The following ECH1 variants were observed in gnomAD, a reference collection of about 807,000 sequenced individuals.
ECH1 encodes the protein enoyl-CoA hydratase 1, also known as delta(3,5)-Delta(2,4)-dienoyl-CoA isomerase, mitochondrial.
A neutral mutation model predicts 37.0 loss-of-function variants in ECH1; 30 were observed. That is an observed-to-expected ratio of 0.81 (90% CI 0.61 to 1.10). The LOEUF is 1.10. Ranked by LOEUF, ECH1 falls within the 50% of genes least tolerant of loss-of-function variation. The pLI is 0.00. For missense variants in ECH1, 456 were observed against 441.6 expected (o/e 1.03, Z -0.29); for synonymous variants, 178 against 176.0 (o/e 1.01, Z -0.09).
chr19:38,830,982 C>G, intron 3 of ECH1, 96 bp downstream of exon 3: 1 of 1,105,454 alleles, frequency 9.0e-7, no homozygotes, highest in Non-Finnish European at 1.3e-6. Flanking sequence ...GTGTGTAAGT[C>G]AGAAGCTGCT....
In ECH1 at chr19:38,816,494, T is replaced by C; in HGVS notation, c.618A>G (p.Val206=). ...CCTTGGGCAGGCGCTGCAGTGTTCC[T>C]ACATCGGCAGCCAAACCCACGTCCA... The part of the protein sequence containing the change: ...KEVDVGLAAD[V]GTLQRLPKVI... Residue 206 remains valine (V), a synonymous_variant, in exon 7 of 10, where the codon GTA becomes GTG. Transcript: ENST00000221418. The C allele has an allele frequency of 1.9e-6, 3 of 1,614,160 alleles. No individual in the cohort carries two copies. The highest frequency in any genetic ancestry group is 1.7e-6 in the Non-Finnish European group (2 of 1,180,006).
At chr19:38,815,817 G>A (rs779650677) in intron 9 of ECH1, 40 bp downstream of exon 9, 4 of 1,613,650 alleles carry the variant, frequency 2.5e-6, no homozygotes, top group Non-Finnish European at 2.5e-6. Context: ...GTCGCCTGGG[G>A]TTAGAGGAGG....
chr19:38,822,692 T>C (rs369557493), intron 3 of ECH1, among the ~76,000 whole-genome samples: 1 of 152,146 alleles, frequency 6.6e-6, no homozygotes, highest in Non-Finnish European at 1.5e-5. Context: ...AGCTCAGGGA[T>C]TGTAAACGCA....
intron 3 of ECH1, among the ~76,000 whole-genome samples, chr19:38,818,609 T>A (rs1479753904): frequency 2.6e-5 from 4 of 152,118 alleles, no homozygotes; most frequent in African/African-American, 9.7e-5. Context: ...TACCTCAGCC[T>A]CCCAAGTAGC....
At chr19:38,830,027 G>T (rs1169545883) in intron 3 of ECH1, among the ~76,000 whole-genome samples, 1 of 152,042 alleles carries the variant, frequency 6.6e-6, no homozygotes, top group Non-Finnish European at 1.5e-5. Context: ...CGTGGTGGCG[G>T]GCACTTGTAA....
intron 3 of ECH1, among the ~76,000 whole-genome samples, chr19:38,821,167 A>G (rs531040816): frequency 6.6e-6 from 1 of 151,982 alleles, no homozygotes; most frequent in African/African-American, 2.4e-5. Context: ...GGTCCCAGCT[A>G]CTTGAGGGGC....
chr19:38,825,767 C>T (rs530155732), intron 3 of ECH1, among the ~76,000 whole-genome samples: 10 of 152,290 alleles, frequency 6.6e-5, no homozygotes, highest in African/African-American at 1.7e-4. Flanking sequence ...AAAGATTGTC[C>T]AATGAGAAAC....
intron 3 of ECH1, among the ~76,000 whole-genome samples, chr19:38,824,588 A>G (rs59089213): frequency 0.024 from 3,610 of 152,254 alleles, 148 homozygotes; most frequent in African/African-American, 0.082. Context: ...TGATGGGGAA[A>G]AATGGCCACC....
At chr19:38,820,893 C>T (rs549714126) in intron 3 of ECH1, among the ~76,000 whole-genome samples, 1 of 152,264 alleles carries the variant, frequency 6.6e-6, no homozygotes, top group African/African-American at 2.4e-5. Flanking sequence ...TCTGCAGCAC[C>T]CAGGAGGGGG....
chr19:38,831,490 G>C lies in ECH1; in HGVS notation c.79C>G (p.Leu27Val). 6.2e-7 allele frequency: 1 copy of C among 1,614,104 alleles called. No homozygotes were observed. Among genetic ancestry groups the C allele is most frequent in the Non-Finnish European group, 8.5e-7 (1 of 1,179,996 alleles). ...RRLTGSNYPG[L>V]SISLRLTGSS... is the part of the protein sequence containing the mutation. Reference sequence around the variant, plus strand: ...CCAGTGAGGCGAAGGCTAATACTGAGTCCCGGGTAGTTGGAGCCTGTCAGT... The same window carrying C: ...CCAGTGAGGCGAAGGCTAATACTGACTCCCGGGTAGTTGGAGCCTGTCAGT... The change falls in exon 2 of 10, where the codon CTC becomes GTC. Residue 27 changes from leucine to valine, a missense_variant. Coordinates refer to ENST00000221418, the MANE Select transcript of ECH1 (RefSeq NM_001398.3).
In ECH1 at chr19:38,815,619, C is replaced by A; in HGVS notation, c.981G>T (p.Lys327Asn). ...GCCTGGGACGCGAGGGCTCTCAGAG[C>A]TTGGAGAAGGTGACGGTTTTCAGTT... Reference protein sequence around the residue: ...NKELKTVTFSKL With the variant: ...NKELKTVTFSNL The change falls in exon 10 of 10, where the codon AAG (lysine) becomes AAT (asparagine). Residue 327 changes from lysine to asparagine, a missense_variant. Transcript: ENST00000221418. 2 of 1,614,206 alleles carry A rather than the reference C, an allele frequency of 1.2e-6. No homozygotes were observed. Among genetic ancestry groups the A allele is most frequent in the Non-Finnish European group, 1.7e-6 (2 of 1,180,034 alleles).
At position 38,815,733 on chromosome 19, in the gene ECH1, T is replaced by G. The variant is rs1038846541; in HGVS notation, c.883-16A>C. On this transcript the variant is annotated splice_polypyrimidine_tract_variant and intron_variant, in intron 9 of 9. Coordinates refer to ENST00000221418, the MANE Select transcript of ECH1 (RefSeq NM_001398.3). ...TCCAGGACGCCTGGTACCGAGGGTG[T>G]TGAGAGAGAACGAGGAGAGAGATTA... 2.5e-6 allele frequency: 4 copies of G among 1,613,948 alleles called. No homozygotes were observed. The highest frequency in any genetic ancestry group is 8.5e-7 in the Non-Finnish European group (1 of 1,179,962).
At chr19:38,824,388 G>C (rs1020583338) in intron 3 of ECH1, among the ~76,000 whole-genome samples, 1 of 152,152 alleles carries the variant, frequency 6.6e-6, no homozygotes, top group Non-Finnish European at 1.5e-5. Context: ...CAGTTTCTTG[G>C]GCAGGGGGAG....
At chr19:38,825,945 C>G (rs1028493276) in intron 3 of ECH1, among the ~76,000 whole-genome samples, 4 of 152,176 alleles carry the variant, frequency 2.6e-5, no homozygotes, top group Non-Finnish European at 4.4e-5. Flanking sequence ...TCACTGAGCC[C>G]CGGGTACGTT....
intron 3 of ECH1, among the ~76,000 whole-genome samples, chr19:38,823,875 T>C (rs538224752): frequency 1.1e-4 from 17 of 152,222 alleles, no homozygotes; most frequent in Non-Finnish European, 1.9e-4. Context: ...GGTGCTTTTC[T>C]AGTTTCTCCT....
At chr19:38,816,927 CTT>C (rs970906824) in intron 6 of ECH1, 136 bp downstream of exon 6, 1 of 1,014,372 alleles carries the variant, frequency 9.9e-7, no homozygotes, top group African/African-American at 1.6e-5. Flanking sequence ...AACTTCACCT[CTT>C]GACTTCCTCT....
intron 3 of ECH1, among the ~76,000 whole-genome samples, chr19:38,828,234 C>T (rs1438567562): frequency 6.6e-6 from 1 of 151,926 alleles, no homozygotes; most frequent in Non-Finnish European, 1.5e-5. Flanking sequence ...AAAGTGAAGC[C>T]GTTTTCTTTT....
chr19:38,826,202 T>C (rs577476288), intron 3 of ECH1, among the ~76,000 whole-genome samples: 5 of 152,348 alleles, frequency 3.3e-5, no homozygotes, highest in African/African-American at 1.2e-4. Context: ...TAGCCAAGGC[T>C]GGAGCTATTA....
Position 38,818,460 on chromosome 19 carries a change from C to T in ECH1, c.350-885G>A, listed in dbSNP as rs1264711264. 13 of 841,154 alleles carry T rather than the reference C, an allele frequency of 1.5e-5. No homozygotes were observed. The Admixed American group carries it at 8.1e-4, about 52-fold the overall frequency. The allele number at this position is 841,154 out of a possible 1,614,324, so 52.1% of individuals were successfully genotyped here. ...GCAGCCAGGGGAAGCCAGTGGACAC[C>T]TTCTTGGGTCAGATCCTCTTTTTTT... On this transcript the variant is annotated intron_variant, in intron 3 of 9. Transcript: ENST00000221418.
Sources: gnomAD v4.1 joint callset for allele counts (sites outside exome capture counted in the v4.1 genomes callset) on GRCh38, gnomAD v4.1.1 for gene constraint, MANE v1.5 for transcripts, NCBI Gene and HGNC (gene_info 2026-07-23, HGNC 2026-07-21) for gene names.